The following MAP3K12 variants were observed in gnomAD, a reference collection of about 807,000 sequenced individuals.
The protein encoded by MAP3K12 is MAPK-upstream kinase.
In MAP3K12, 14 loss-of-function variants were observed where a neutral mutation model predicts 87.5. That is an observed-to-expected ratio of 0.16 (90% confidence interval 0.11 to 0.25). MAP3K12 has a LOEUF of 0.25. MAP3K12 is among the 10% of genes least tolerant of loss of function. MAP3K12 has a pLI of 1.00. For missense variants in MAP3K12, 802 were observed against 1,140.4 expected (o/e 0.70, Z 4.27); for synonymous variants, 469 against 452.5 (o/e 1.04, Z -0.46).
intron 7 of MAP3K12, 96 bp downstream of exon 7, chr12:53,484,161 C>A: frequency 7.4e-7 from 1 of 1,358,122 alleles, no homozygotes; most frequent in Non-Finnish European, 1.0e-6. Flanking sequence ...CCAATCTCTT[C>A]AGTCCCACTC....
At chr12:53,496,923 G>A (rs148644732) in intron 1 of MAP3K12, among the ~76,000 whole-genome samples, 1 of 152,198 alleles carries the variant, frequency 6.6e-6, no homozygotes, top group East Asian at 1.9e-4. Context: ...GGCCAGTTGG[G>A]TGACCTGGCC....
At chr12:53,481,364 T>C (rs1943034652) in intron 13 of MAP3K12, 84 bp from the exon 14 acceptor site, 8 of 684,380 alleles carry the variant, frequency 1.2e-5, no homozygotes, top group Non-Finnish European at 1.7e-5. Flanking sequence ...TACTGATTTG[T>C]TTTTTAAGAC....
In MAP3K12 at chr12:53,482,060, ACCGCTCATCTGG is replaced by A. The variant is rs1219209811; in HGVS notation, c.2449_2460del (p.Pro817_Arg820del). The A allele has an allele frequency of 8.1e-6, 13 of 1,614,042 alleles. No homozygotes were observed. The highest frequency in any genetic ancestry group is 1.3e-5 in the African/African-American group (1 of 74,912). ...GAGCCCTGGGAGCACATGTCATCAG[ACCGCTCATCTGG>A]CCGCTCATCAGTGTTGGTGCTGCCA... On this transcript the variant is annotated inframe_deletion, in exon 13 of 14. Transcript: ENST00000547488.
In MAP3K12 at chr12:53,482,150, C is replaced by T; in HGVS notation, c.2371G>A (p.Asp791Asn). The T allele has an allele frequency of 6.2e-7, 1 of 1,614,252 alleles. No individual in the cohort carries two copies. Among genetic ancestry groups the T allele is most frequent in the Non-Finnish European group, 8.5e-7 (1 of 1,180,052 alleles). The change falls in exon 13 of 14, where the codon GAT (aspartate) becomes AAT (asparagine). Residue 791 changes from aspartate (D) to asparagine (N), a missense_variant. This residue lies in a region of MAP3K12 where 490 missense variants were observed against 496.6 expected (regional missense o/e 0.99). Coordinates refer to ENST00000547488, the MANE Select transcript of MAP3K12 (RefSeq NM_001193511.2). ...TCACTAGCTGTGCCTTCCTCCCCAT[C>T]TGATGGATTCTCTGAGCTGAAGGTA... Reference protein sequence around the residue: ...LSTFSSENPSDGEEGTASEPS... With the variant: ...LSTFSSENPSNGEEGTASEPS...
chr12:53,480,539 A>G lies in MAP3K12; in HGVS notation c.*643T>C, dbSNP rs1378273340. The G allele has an allele frequency of 6.5e-6, 1 of 152,686 alleles. No individual in the cohort carries two copies. The highest frequency in any genetic ancestry group is 2.4e-5 in the African/African-American group (1 of 41,432). 9.5% of individuals were successfully genotyped at this position (152,686 alleles called of 1,614,324 possible). On this transcript the variant is annotated 3_prime_UTR_variant, in exon 14 of 14. Transcript: ENST00000547488. Reference sequence around the variant, plus strand: ...TTTCAAGGTTTTTCACAGGGGTTACAGTAGGACAGTCCCCACCCCAATCAG... The same window carrying G: ...TTTCAAGGTTTTTCACAGGGGTTACGGTAGGACAGTCCCCACCCCAATCAG...
chr12:53,500,673 C>CA (rs1301398500), upstream of MAP3K12: 1 of 152,596 alleles, frequency 6.6e-6, no homozygotes, highest in African/African-American at 2.4e-5. Context: ...CCTGCGGAAA[C>CA]AGAGATCGGT....
At chr12:53,490,636 C>T (rs551016690) in intron 1 of MAP3K12, among the ~76,000 whole-genome samples, 16 of 150,884 alleles carry the variant, frequency 1.1e-4, no homozygotes, top group Admixed American at 1.3e-4. Flanking sequence ...CCCAGCTACT[C>T]GGGAGGCTGA....
At chr12:53,484,844 G>A (rs765809422) in intron 6 of MAP3K12, 39 of 610,204 alleles carry the variant, frequency 6.4e-5, no homozygotes, top group Non-Finnish European at 1.0e-4. Flanking sequence ...TGCAGATATC[G>A]TTAAGTGTAT....
rs772793525 is a variant in MAP3K12 at position 53,486,652 on chromosome 12, C to T, written c.446-30G>A. On this transcript the variant is annotated intron_variant, in intron 2 of 13. Coordinates refer to ENST00000547488, the MANE Select transcript of MAP3K12 (RefSeq NM_001193511.2). The surrounding 1 kb of genome is among the most constrained non-coding windows in gnomAD (Gnocchi z 4.9). ...GGGCAGGAGGCACAGTGCCACAAGC[C>T]TCAGAAAGAGCCACACTCAAGGCCA... is the stretch of plus-strand genomic sequence containing the variant. The T allele has an allele frequency of 6.5e-7, 1 of 1,542,006 alleles. No homozygotes were observed. Among genetic ancestry groups the T allele is most frequent in the Non-Finnish European group, 8.7e-7 (1 of 1,145,470 alleles).
At chr12:53,501,307 C>CGGCCGCGACTCCGGGCTT, upstream of MAP3K12, 1 of 1,378,608 alleles carries the variant, frequency 7.3e-7, no homozygotes, top group Non-Finnish European at 9.9e-7. Flanking sequence ...CGGGCCCTAC[C>CGGCCGCGACTCCGGGCTT]GGCCGCGACT....
chr12:53,495,211 C>T (rs548274033), intron 1 of MAP3K12, among the ~76,000 whole-genome samples: 8 of 151,052 alleles, frequency 5.3e-5, no homozygotes, highest in Middle Eastern at 3.4e-3. Flanking sequence ...TGGTGGCGGA[C>T]GCCTGTAGTC....
At chr12:53,493,997 G>GA (rs1052365540) in intron 1 of MAP3K12, 18 of 152,492 alleles carry the variant, frequency 1.2e-4, no homozygotes, top group African/African-American at 4.1e-4. Context: ...TGGAGTGAGG[G>GA]AAAGCTGCTG....
rs150402780 is a variant in MAP3K12, at chr12:53,482,946, G to A, written c.1857C>T (p.Ala619=). The change falls in exon 11 of 14, where the codon GCC becomes GCT. Residue 619 remains alanine, a synonymous_variant. Transcript: ENST00000547488. Reference sequence around the variant, plus strand: ...GGAGGGCGGGAGGGCAGGCCTCCCAGGCTGAGGGTCCCCCTCCTAGGCCCC... The same window carrying A: ...GGAGGGCGGGAGGGCAGGCCTCCCAAGCTGAGGGTCCCCCTCCTAGGCCCC... ...SPGGLGGGPS[A]WEACPPALRG... The A allele has an allele frequency of 6.2e-7, 1 of 1,605,330 alleles. No individual in the cohort carries two copies. The highest frequency in any genetic ancestry group is 1.7e-5 in the Admixed American group (1 of 59,394).
chr12:53,491,271 G>C (rs1232931272), intron 1 of MAP3K12, among the ~76,000 whole-genome samples: 3 of 95,236 alleles, frequency 3.2e-5, no homozygotes, highest in Non-Finnish European at 5.5e-5. Flanking sequence ...CTGGGCGACA[G>C]AGTGAGACTC....
At chr12:53,482,265 G>T in intron 12 of MAP3K12, 34 bp downstream of exon 12, 1 of 1,614,144 alleles carries the variant, frequency 6.2e-7, no homozygotes, top group Non-Finnish European at 8.5e-7. Flanking sequence ...CAGAAAACAA[G>T]AATGCCATTA....
At chr12:53,484,433 C>T (rs1248419629) in intron 6 of MAP3K12, 68 bp from the exon 7 acceptor site, 21 of 1,174,698 alleles carry the variant, frequency 1.8e-5, no homozygotes, top group Non-Finnish European at 1.3e-6. Context: ...ACTGGAGCAT[C>T]CTTTCCCAAA....
In MAP3K12 at chr12:53,482,541, C is replaced by T. The variant is rs747574428; in HGVS notation, c.2238+24G>A. ...GGAGGATAAGGAAAAAGGGAAAGAG[C>T]TTGGGAGCCTTCCCATACTTTACCT... is the stretch of plus-strand genomic sequence containing the variant. On this transcript the variant is annotated intron_variant, in intron 11 of 13. Coordinates refer to ENST00000547488, the MANE Select transcript of MAP3K12 (RefSeq NM_001193511.2). 3.1e-6 allele frequency: 5 copies of T among 1,596,194 alleles called. 1 individual carries two copies. In the Admixed American group the frequency reaches 5.2e-5, roughly 17 times the overall value.
rs1009137237 is a variant in MAP3K12, at chr12:53,482,742, G to A, written c.2061C>T (p.Ser687=). ...CTTTGGCTCCCCCAGGTGAATCTGGGCTGGTGGAGCCAGGGGCTGAGCCCT... is the reference window on the plus strand; with the variant it reads ...CTTTGGCTCCCCCAGGTGAATCTGGACTGGTGGAGCCAGGGGCTGAGCCCT... ...PSEGSAPGST[S]PDSPGGAKGE... The change falls in exon 11 of 14, where the codon AGC becomes AGT. Residue 687 remains serine, a synonymous_variant. Transcript: ENST00000547488. 1 of 1,614,064 alleles carries A rather than the reference G, an allele frequency of 6.2e-7. No individual in the cohort carries two copies. Among genetic ancestry groups the A allele is most frequent in the African/African-American group, 1.3e-5 (1 of 75,078 alleles).
intron 1 of MAP3K12, among the ~76,000 whole-genome samples, chr12:53,489,134 CCT>C (rs1943331092): frequency 6.6e-6 from 1 of 151,204 alleles, no homozygotes; most frequent in Non-Finnish European, 1.5e-5. Context: ...ATGGCAAAAC[CCT>C]GTCTCTACCA....
Sources: allele counts gnomAD v4.1 joint callset (sites outside exome capture counted in the v4.1 genomes callset), GRCh38; gene constraint gnomAD v4.1.1; regional missense constraint gnomAD v4.1.1; non-coding constraint Gnocchi (gnomAD v3.1); transcripts MANE v1.5; gene names NCBI Gene and HGNC (gene_info 2026-07-23, HGNC 2026-07-21).